The following HS2ST1 variants were observed in gnomAD, a reference collection of about 807,000 sequenced individuals.
The protein encoded by HS2ST1 is heparan sulfate 2-O-sulfotransferase 1, also known as 2-O-sulfotransferase.
In HS2ST1, 18 loss-of-function variants were observed where a neutral mutation model predicts 42.9. The ratio of observed to expected loss-of-function variants is 0.42; its 90% CI spans 0.29 to 0.62. The LOEUF (loss-of-function observed/expected upper bound fraction) is 0.62, where lower values mean the gene tolerates loss of function less well. HS2ST1 is among the 20% of genes least tolerant of loss of function. The pLI, the probability that HS2ST1 is intolerant of heterozygous loss-of-function variation, is 0.21. For synonymous variants in HS2ST1, 146 were observed against 152.9 expected, an observed-to-expected ratio of 0.95 and a Z score of 0.33; for missense variants, 334 against 433.8, an observed-to-expected ratio of 0.77 and a Z score of 2.04.
intron 1 of HS2ST1, among the ~76,000 whole-genome samples, chr1:87,027,980 A>G (rs1193029758): frequency 1.3e-5 from 2 of 152,152 alleles, no homozygotes; most frequent in African/African-American, 2.4e-5. Flanking sequence ...ATGAGCCACC[A>G]CGCCCGGCTG....
intron 1 of HS2ST1, among the ~76,000 whole-genome samples, chr1:86,940,602 G>A (rs1660741480): frequency 6.6e-6 from 1 of 152,188 alleles, no homozygotes. Flanking sequence ...GTCACCTGAA[G>A]AGAGGCTGAT....
chr1:87,011,874 A>G (rs1649606640), intron 1 of HS2ST1, among the ~76,000 whole-genome samples: 1 of 152,202 alleles, frequency 6.6e-6, no homozygotes, highest in Non-Finnish European at 1.5e-5. Flanking sequence ...ATGATTTTGG[A>G]GATGGAAGTA....
chr1:87,023,844 T>C (rs1198313255), intron 1 of HS2ST1, among the ~76,000 whole-genome samples: 2 of 152,114 alleles, frequency 1.3e-5, no homozygotes, highest in African/African-American at 2.4e-5. Flanking sequence ...AGAACATTAC[T>C]GCATTTTCAG....
chr1:86,985,529 T>TACAC (rs1180621266), intron 1 of HS2ST1, among the ~76,000 whole-genome samples: 44 of 15,816 alleles, frequency 2.8e-3, no homozygotes, highest in African/African-American at 4.2e-3. Context: ...CACATATATA[T>TACAC]ACATATATAT....
intron 5 of HS2ST1, among the ~76,000 whole-genome samples, chr1:87,102,512 T>G (rs1652237598): frequency 6.6e-6 from 1 of 152,168 alleles, no homozygotes; most frequent in Admixed American, 6.5e-5. Flanking sequence ...GAATCACATT[T>G]CAGAATGAGA....
intron 1 of HS2ST1, among the ~76,000 whole-genome samples, chr1:86,921,203 T>G (rs1381299594): frequency 6.6e-6 from 1 of 152,202 alleles, no homozygotes. Flanking sequence ...TATGGTGTTT[T>G]GTATTCTTGA....
rs567184950 is a variant in HS2ST1, at chr1:86,933,269, C to T, written c.124+18109C>T. The stretch of plus-strand genomic sequence containing the variant: ...CATTATTCACATATTTCTTCTGTTT[C>T]TTTTCTCCTGATATTCTCATTATCC... On this transcript the variant is annotated intron_variant, in intron 1 of 6. Transcript: ENST00000370550. Among the ~76,000 whole-genome samples the T allele has an allele frequency of 6.6e-5, 10 of 152,244 alleles. No individual in the cohort carries two copies. The South Asian group carries it at 1.7e-3, about 25-fold the overall frequency.
intron 3 of HS2ST1, among the ~76,000 whole-genome samples, chr1:87,088,102 T>C (rs1651854803): frequency 6.6e-6 from 1 of 152,110 alleles, no homozygotes; most frequent in Admixed American, 6.6e-5. Flanking sequence ...AAATTCTGTC[T>C]TCTTTCAGTT....
At chr1:87,093,629 C>T (rs948603046) in intron 4 of HS2ST1, among the ~76,000 whole-genome samples, 1 of 152,054 alleles carries the variant, frequency 6.6e-6, no homozygotes, top group African/African-American at 2.4e-5. Flanking sequence ...TTTCCTGAAG[C>T]ATATATTTAA....
chr1:87,104,529 G>A lies in HS2ST1; in HGVS notation c.904G>A (p.Ala302Thr). ...EKKLPTKQTI[A>T]KLQQSDIWKM... Reference sequence around the variant, plus strand: ...GAAACTCCCCACTAAACAAACCATTGCAAAACTACAGCAATCTGATATTTG... The same window carrying A: ...GAAACTCCCCACTAAACAAACCATTACAAAACTACAGCAATCTGATATTTG... Residue 302 changes from alanine to threonine, a missense_variant, in exon 7 of 7, where the codon GCA (alanine) becomes ACA (threonine). Physicochemically the swap from Ala to Thr is moderately conservative, Grantham distance 58. Coordinates refer to ENST00000370550, the MANE Select transcript of HS2ST1 (RefSeq NM_012262.4). The A allele has an allele frequency of 6.2e-7, 1 of 1,613,364 alleles. No individual in the cohort carries two copies.
rs557925800 is a variant in HS2ST1 at position 87,073,198 on chromosome 1, A to T, written c.363+26A>T. ...GTAATTACCACTTAAGGAATGCCCAAATATTTTCTAATACTTCCTCACTCA... is the reference window on the plus strand; with the variant it reads ...GTAATTACCACTTAAGGAATGCCCATATATTTTCTAATACTTCCTCACTCA... On this transcript the variant is annotated intron_variant, in intron 2 of 6. Transcript: ENST00000370550. 3.4e-5 allele frequency: 48 copies of T among 1,420,474 alleles called. 2 individuals are homozygous for T. The East Asian group carries it at 9.8e-4, about 29-fold the overall frequency. 88.0% of individuals were successfully genotyped at this position (1,420,474 alleles called of 1,614,324 possible). A position where few individuals can be genotyped will look rare whatever the true frequency, so the allele number is the denominator to read the frequency against.
At chr1:87,057,281 TAAC>T (rs1329088984) in intron 1 of HS2ST1, among the ~76,000 whole-genome samples, 1 of 152,242 alleles carries the variant, frequency 6.6e-6, no homozygotes, top group Non-Finnish European at 1.5e-5. Flanking sequence ...TTGGTGTCCT[TAAC>T]AATCTTTAAG....
intron 1 of HS2ST1, among the ~76,000 whole-genome samples, chr1:87,024,955 A>G (rs1044534081): frequency 2.6e-5 from 4 of 152,218 alleles, no homozygotes; most frequent in Non-Finnish European, 4.4e-5. Flanking sequence ...TGTTTTAATT[A>G]TTAAGAGATG....
chr1:86,924,029 A>T lies in HS2ST1; in HGVS notation c.124+8869A>T, dbSNP rs148979649. On this transcript the variant is annotated intron_variant, in intron 1 of 6. Transcript: ENST00000370550. ...GTCCCTTCTGCCTATGAGCCTGTAAAATCAAAAGCAAGTTAGTTACTTCCT... is the reference window on the plus strand; with the variant it reads ...GTCCCTTCTGCCTATGAGCCTGTAATATCAAAAGCAAGTTAGTTACTTCCT... 3.7e-3 allele frequency among the ~76,000 whole-genome samples: 567 copies of T among 152,346 alleles called. 3 individuals are homozygous for T. The highest frequency in any genetic ancestry group is 0.013 in the African/African-American group (530 of 41,574).
Position 87,001,230 on chromosome 1 carries a change from AC to A in HS2ST1, c.125-71703del, listed in dbSNP as rs1649275602. Among the ~76,000 whole-genome samples, 7 of 152,158 alleles carry A rather than the reference AC, an allele frequency of 4.6e-5. No individual in the cohort carries two copies. In the South Asian group the frequency reaches 1.5e-3, roughly 32 times the overall value. ...CCTTTGGATTTACTGTACACAGGCT[AC>A]TCCTCATAATCCATTGCTTATCTTT... On this transcript the variant is annotated intron_variant, in intron 1 of 6. Transcript: ENST00000370550.
intron 1 of HS2ST1, among the ~76,000 whole-genome samples, chr1:86,967,286 T>C (rs935730292): frequency 6.6e-6 from 1 of 152,230 alleles, no homozygotes; most frequent in African/African-American, 2.4e-5. Context: ...GTACTATATT[T>C]CTTATTTTTT....
intron 1 of HS2ST1, among the ~76,000 whole-genome samples, chr1:87,033,670 A>G (rs1038269544): frequency 5.9e-5 from 9 of 152,058 alleles, no homozygotes; most frequent in Admixed American, 5.9e-4. Flanking sequence ...CAGCCTCCCC[A>G]GTAGTTGGAT....
At chr1:87,078,957 G>A (rs1346438600) in intron 2 of HS2ST1, among the ~76,000 whole-genome samples, 1 of 152,096 alleles carries the variant, frequency 6.6e-6, no homozygotes, top group African/African-American at 2.4e-5. Context: ...GAAAGTTCTG[G>A]AGAACTAAGG....
At chr1:87,008,506 C>T (rs1649504900) in intron 1 of HS2ST1, among the ~76,000 whole-genome samples, 1 of 152,166 alleles carries the variant, frequency 6.6e-6, no homozygotes, top group Admixed American at 6.5e-5. Context: ...TACTTAATTG[C>T]ATTTGCTTCA....
Sources: gnomAD v4.1 joint callset for allele counts (sites outside exome capture counted in the v4.1 genomes callset) on GRCh38, gnomAD v4.1.1 for gene constraint, MANE v1.5 for transcripts, NCBI Gene and HGNC (gene_info 2026-07-23, HGNC 2026-07-21) for gene names.